COQ2: variants seen among roughly 807,000 people sequenced by gnomAD.
COQ2 encodes the protein 4-hydroxybenzoate polyprenyltransferase, mitochondrial.
A neutral mutation model predicts 35.7 loss-of-function variants in COQ2; 25 were observed. The ratio of observed to expected loss-of-function variants is 0.70; its 90% CI spans 0.51 to 0.98. The LOEUF (loss-of-function observed/expected upper bound fraction) is 0.98, where lower values mean the gene tolerates loss of function less well. Ranked by LOEUF, COQ2 falls within the 50% of genes least tolerant of loss-of-function variation. The probability of loss-of-function intolerance (pLI) is 0.00; values close to 1 mark genes in which losing one functional copy is unlikely to be tolerated. For synonymous variants in COQ2, 206 were observed against 186.2 expected (o/e 1.11, Z -0.86); for missense variants, 488 against 473.5 (o/e 1.03, Z -0.28).
rs1483330225 is a variant in COQ2 at position 83,272,068 on chromosome 4, T to C, written c.628+19A>G. The C allele has an allele frequency of 2.0e-6, 3 of 1,506,928 alleles. No homozygotes were observed. Among genetic ancestry groups the C allele is most frequent in the South Asian group, 1.2e-5 (1 of 84,050 alleles). The allele number at this position is 1,506,928 out of a possible 1,614,324, so 93.3% of individuals were successfully genotyped here. ...TTTGCAAATATCAAAGGAAATACTT[T>C]TAGTTATTGTAAGCTCACCCAAGGC... On this transcript the variant is annotated intron_variant, in intron 4 of 6. Coordinates refer to ENST00000647002, the MANE Select transcript of COQ2 (RefSeq NM_001358921.2).
At position 83,272,151 on chromosome 4, in the gene COQ2, G is replaced by A. The variant is rs758079718; in HGVS notation, c.564C>T (p.Ser188=). ...GTGGGTAGGTGATGACAAGAAGTAAGGATCCTGCTCCCAGAGCTATACTGA... is the reference window on the plus strand; with the variant it reads ...GTGGGTAGGTGATGACAAGAAGTAAAGATCCTGCTCCCAGAGCTATACTGA... ...NYYSIALGAG[S]LLLVITYPLM... The change falls in exon 4 of 7, where the codon TCC becomes TCT. Residue 188 remains serine, a synonymous_variant. Coordinates refer to ENST00000647002, the MANE Select transcript of COQ2 (RefSeq NM_001358921.2). The A allele has an allele frequency of 7.5e-6, 12 of 1,609,966 alleles. No homozygotes were observed. The East Asian group carries it at 1.6e-4, about 21-fold the overall frequency.
At chr4:83,270,034 T>C in intron 4 of COQ2, 41 bp from the exon 5 acceptor site, 1 of 1,602,084 alleles carries the variant, frequency 6.2e-7, no homozygotes, top group East Asian at 2.3e-5. Context: ...AGTCTGTATG[T>C]ACTTTAGAAT....
chr4:83,281,704 A>C (rs540967515), intron 1 of COQ2: 51 of 152,354 alleles, frequency 3.3e-4, no homozygotes, highest in Admixed American at 3.0e-3. Flanking sequence ...TTCACAGAAC[A>C]CTTTTGACTC....
At chr4:83,268,741 A>G (rs1734980110) in intron 5 of COQ2, among the ~76,000 whole-genome samples, 1 of 152,214 alleles carries the variant, frequency 6.6e-6, no homozygotes, top group African/African-American at 2.4e-5. Context: ...TCACTTTGGA[A>G]GTAAGACTGA....
chr4:83,282,898 T>A (rs913172906), intron 1 of COQ2, among the ~76,000 whole-genome samples: 3 of 152,162 alleles, frequency 2.0e-5, no homozygotes, highest in African/African-American at 7.2e-5. Context: ...GCCACTAAGA[T>A]AGAAGCCAGA....
rs762958081 is a variant in COQ2, at chr4:83,273,573, T to C, written c.465A>G (p.Ser155=). 2 of 1,613,746 alleles carry C rather than the reference T, an allele frequency of 1.2e-6. No individual in the cohort carries two copies. Among genetic ancestry groups the C allele is most frequent in the Non-Finnish European group, 1.7e-6 (2 of 1,179,774 alleles). Residue 155 remains serine (S), a synonymous_variant, in exon 3 of 7, where the codon TCA becomes TCG. Transcript: ENST00000647002. ...ANRPIAAGDI[S]TFQSFVFLGG... The stretch of plus-strand genomic sequence containing the variant: ...CAAGAAAAACAAAGGACTGAAAAGT[T>C]GAAATGTCTCCAGCGGCTATTGGAC...
At chr4:83,276,685 C>A in intron 2 of COQ2, among the ~76,000 whole-genome samples, 1 of 152,210 alleles carries the variant, frequency 6.6e-6, no homozygotes, top group Admixed American at 6.5e-5. Context: ...AACAATCCCA[C>A]TAGTGGGTAT....
At chr4:83,271,027 T>C (rs1197381433) in intron 4 of COQ2, among the ~76,000 whole-genome samples, 1 of 152,200 alleles carries the variant, frequency 6.6e-6, no homozygotes, top group African/African-American at 2.4e-5. Flanking sequence ...CTCACATCAA[T>C]TTCTTGAGTT....
rs575210498 is a variant in COQ2, at chr4:83,273,069, ATTAG to A, written c.542+423_542+426del. The stretch of plus-strand genomic sequence containing the variant: ...CTCCCACTTCTTTCTTCAGTCATTG[ATTAG>A]TAACACCACCCTGGGAAAGACATAG... On this transcript the variant is annotated intron_variant, in intron 3 of 6. Transcript: ENST00000647002. Among the ~76,000 whole-genome samples the A allele has an allele frequency of 1.3e-4, 20 of 152,350 alleles. No homozygotes were observed. The East Asian group carries it at 2.7e-3, about 21-fold the overall frequency.
intron 6 of COQ2, among the ~76,000 whole-genome samples, chr4:83,264,981 T>A (rs1264515283): frequency 6.6e-6 from 1 of 152,152 alleles, no homozygotes; most frequent in Non-Finnish European, 1.5e-5. Context: ...CCCCTCCTAG[T>A]TTATTATAAC....
chr4:83,275,735 G>A (rs953661466), intron 2 of COQ2, among the ~76,000 whole-genome samples: 4 of 151,882 alleles, frequency 2.6e-5, no homozygotes, highest in African/African-American at 7.3e-5. Flanking sequence ...GGATGTAAAC[G>A]TTTAGAGGAG....
At chr4:83,280,760 G>A (rs984720319) in intron 1 of COQ2, among the ~76,000 whole-genome samples, 3 of 152,142 alleles carry the variant, frequency 2.0e-5, no homozygotes, top group African/African-American at 7.2e-5. Context: ...TCAAGGAGAA[G>A]CCTCAAGCTA....
chr4:83,282,167 A>G (rs1032588769), intron 1 of COQ2, among the ~76,000 whole-genome samples: 5 of 152,246 alleles, frequency 3.3e-5, no homozygotes, highest in African/African-American at 1.2e-4. Context: ...CTTCAAGACA[A>G]CATAATCACC....
chr4:83,280,255 T>A (rs1419761932), intron 1 of COQ2, among the ~76,000 whole-genome samples: 1 of 152,214 alleles, frequency 6.6e-6, no homozygotes, highest in Non-Finnish European at 1.5e-5. Flanking sequence ...AACTTTAATA[T>A]TCTACTTCTA....
intron 2 of COQ2, among the ~76,000 whole-genome samples, chr4:83,273,859 C>A (rs1412054151): frequency 6.6e-6 from 1 of 151,750 alleles, no homozygotes; most frequent in African/African-American, 2.4e-5. Flanking sequence ...AAAGGAACTT[C>A]CTGGCTGGGT....
chr4:83,279,200 T>C, intron 1 of COQ2, 86 bp from the exon 2 acceptor site: 1 of 1,400,442 alleles, frequency 7.1e-7, no homozygotes, highest in South Asian at 1.6e-5. Context: ...ACCAAAGAAA[T>C]AAAGAACACT....
chr4:83,283,811 T>C (rs1351631361), intron 1 of COQ2: 8 of 985,310 alleles, frequency 8.1e-6, no homozygotes, highest in Non-Finnish European at 9.6e-6. Flanking sequence ...TAAGAAAAAT[T>C]GCGGATAAAG....
intron 6 of COQ2, among the ~76,000 whole-genome samples, chr4:83,266,127 T>C (rs1029462202): frequency 6.6e-6 from 1 of 152,170 alleles, no homozygotes; most frequent in Non-Finnish European, 1.5e-5. Context: ...AAAGGGATGC[T>C]GAGAAATTCT....
At position 83,264,142 on chromosome 4, in the gene COQ2, A is replaced by C; in HGVS notation, c.*57T>G. ...ACATATTGTATCAGATTTTGTATTCAAATCTAATTATATTTTGTAAAAAAT... is the reference window on the plus strand; with the variant it reads ...ACATATTGTATCAGATTTTGTATTCCAATCTAATTATATTTTGTAAAAAAT... On this transcript the variant is annotated 3_prime_UTR_variant, in exon 7 of 7. Coordinates refer to ENST00000647002, the MANE Select transcript of COQ2 (RefSeq NM_001358921.2). 1.1e-6 allele frequency: 1 copy of C among 906,782 alleles called. No homozygotes were observed. The highest frequency in any genetic ancestry group is 1.6e-6 in the Non-Finnish European group (1 of 611,906). 56.2% of individuals were successfully genotyped at this position (906,782 alleles called of 1,614,324 possible).
Sources: gnomAD v4.1 joint callset for allele counts (sites outside exome capture counted in the v4.1 genomes callset) on GRCh38, gnomAD v4.1.1 for gene constraint, MANE v1.5 for transcripts, NCBI Gene and HGNC (gene_info 2026-07-23, HGNC 2026-07-21) for gene names.